SLC25A21: variants seen among roughly 807,000 people sequenced by gnomAD.
SLC25A21 encodes mitochondrial 2-oxodicarboxylate carrier.
SLC25A21 carries 47 observed loss-of-function variants against 43.8 expected under a neutral mutation model. That is an observed-to-expected ratio of 1.07 (90% CI 0.85 to 1.37). SLC25A21 has a LOEUF of 1.37. Among genes scored for constraint, SLC25A21 ranks in the 40% most tolerant of loss-of-function variants. The pLI, the probability that SLC25A21 is intolerant of heterozygous loss-of-function variation, is 0.00. For synonymous variants in SLC25A21, 131 were observed against 121.3 expected, an observed-to-expected ratio of 1.08 and a Z score of -0.52; for missense variants, 352 against 350.2, an observed-to-expected ratio of 1.00 and a Z score of -0.04.
intron 3 of SLC25A21, among the ~76,000 whole-genome samples, chr14:36,758,920 G>A (rs1886037621): frequency 6.6e-6 from 1 of 152,176 alleles, no homozygotes; most frequent in Admixed American, 6.5e-5. Context: ...GGATGATTTA[G>A]CTTTGCTTCT....
intron 1 of SLC25A21, among the ~76,000 whole-genome samples, chr14:36,976,141 G>A (rs914107412): frequency 6.6e-6 from 1 of 152,150 alleles, no homozygotes; most frequent in Non-Finnish European, 1.5e-5. Context: ...AAATAATCAT[G>A]AAATAGCACA....
chr14:36,814,490 C>T (rs749395540), intron 2 of SLC25A21, among the ~76,000 whole-genome samples: 4 of 152,008 alleles, frequency 2.6e-5, no homozygotes, highest in Non-Finnish European at 5.9e-5. Flanking sequence ...ACCAAACAAC[C>T]CCATCAAAAA....
chr14:36,990,539 C>T (rs1566796260), intron 1 of SLC25A21, among the ~76,000 whole-genome samples: 1 of 152,104 alleles, frequency 6.6e-6, no homozygotes, highest in Non-Finnish European at 1.5e-5. Flanking sequence ...ACCTTCACTG[C>T]CATGGCTACT....
chr14:36,708,487 G>C (rs1883673550), intron 7 of SLC25A21, among the ~76,000 whole-genome samples: 1 of 152,166 alleles, frequency 6.6e-6, no homozygotes. Flanking sequence ...ATGCAGGCTG[G>C]AGTGCAGTGC....
intron 1 of SLC25A21, among the ~76,000 whole-genome samples, chr14:37,128,753 A>C (rs888542932): frequency 5.9e-5 from 9 of 151,746 alleles, no homozygotes; most frequent in African/African-American, 2.2e-4. Flanking sequence ...CGCTCAGCTA[A>C]TTTTTTGGTA....
At chr14:36,843,924 C>T (rs578256265) in intron 2 of SLC25A21, among the ~76,000 whole-genome samples, 6 of 152,304 alleles carry the variant, frequency 3.9e-5, no homozygotes, top group African/African-American at 1.4e-4. Context: ...AACCTGTTGT[C>T]TTTCAAGACA....
At chr14:36,683,375 G>A (rs545853790) in intron 9 of SLC25A21, among the ~76,000 whole-genome samples, 1 of 152,356 alleles carries the variant, frequency 6.6e-6, no homozygotes, top group African/African-American at 2.4e-5. Flanking sequence ...GTAAAGATGA[G>A]TGGCTTTGCT....
chr14:36,888,398 C>T (rs1354168810), intron 1 of SLC25A21, among the ~76,000 whole-genome samples: 4 of 151,978 alleles, frequency 2.6e-5, no homozygotes, highest in African/African-American at 7.3e-5. Context: ...ACCGACTTGC[C>T]AACCCACCCA....
At position 37,029,595 on chromosome 14, in the gene SLC25A21, C is replaced by T. The variant is rs147489265; in HGVS notation, c.70+142686G>A. Among the ~76,000 whole-genome samples, 384 of 152,112 alleles carry T rather than the reference C, an allele frequency of 2.5e-3. 2 individuals are homozygous for T. The highest frequency in any genetic ancestry group is 8.6e-3 in the African/African-American group (356 of 41,490). On this transcript the variant is annotated intron_variant, in intron 1 of 9. Coordinates refer to ENST00000331299, the MANE Select transcript of SLC25A21 (RefSeq NM_030631.4). ...TAGCACAGTACTTACAGACAGAATCCCTCTGCTGAAAAGAGGGGATCCCTC... is the reference window on the plus strand; with the variant it reads ...TAGCACAGTACTTACAGACAGAATCTCTCTGCTGAAAAGAGGGGATCCCTC...
chr14:36,968,887 A>G (rs1959682792), intron 1 of SLC25A21, among the ~76,000 whole-genome samples: 1 of 152,190 alleles, frequency 6.6e-6, no homozygotes, highest in African/African-American at 2.4e-5. Flanking sequence ...CTGTACACAT[A>G]TCAAAGAAAA....
intron 3 of SLC25A21, among the ~76,000 whole-genome samples, chr14:36,779,338 C>G (rs1230542290): frequency 7.1e-6 from 1 of 141,342 alleles, no homozygotes; most frequent in South Asian, 2.2e-4. Context: ...ATTATCCAGC[C>G]TTTTAAAAAA....
At chr14:36,980,432 G>A (rs1959992648) in intron 1 of SLC25A21, among the ~76,000 whole-genome samples, 1 of 152,174 alleles carries the variant, frequency 6.6e-6, no homozygotes, top group African/African-American at 2.4e-5. Flanking sequence ...TTTCTTGGAG[G>A]CTTTGTTCAT....
intron 1 of SLC25A21, among the ~76,000 whole-genome samples, chr14:37,024,060 CAGTGA>C (rs1303259634): frequency 1.3e-5 from 2 of 152,040 alleles, no homozygotes; most frequent in African/African-American, 4.8e-5. Flanking sequence ...CAGAGGACAG[CAGTGA>C]AGTGAAGTAA....
intron 1 of SLC25A21, among the ~76,000 whole-genome samples, chr14:37,045,313 G>T (rs79613112): frequency 0.044 from 6,668 of 152,140 alleles, 481 homozygotes; most frequent in African/African-American, 0.15. Flanking sequence ...GAGATTTCTG[G>T]ACACTGTTAT....
At chr14:37,095,391 GC>G (rs1962669060) in intron 1 of SLC25A21, among the ~76,000 whole-genome samples, 1 of 152,152 alleles carries the variant, frequency 6.6e-6, no homozygotes, top group Admixed American at 6.5e-5. Flanking sequence ...GGTGGCACAT[GC>G]CTGTAAGCCC....
At chr14:37,030,633 T>C (rs1195484988) in intron 1 of SLC25A21, among the ~76,000 whole-genome samples, 2 of 152,196 alleles carry the variant, frequency 1.3e-5, no homozygotes, top group Non-Finnish European at 2.9e-5. Context: ...ACGAATCTAG[T>C]AGAATCTAAG....
intron 2 of SLC25A21, among the ~76,000 whole-genome samples, chr14:36,838,418 G>A (rs904330563): frequency 3.3e-5 from 5 of 152,194 alleles, no homozygotes; most frequent in Non-Finnish European, 7.3e-5. Flanking sequence ...CACTGCACCT[G>A]CTTTTCCTGT....
intron 1 of SLC25A21, among the ~76,000 whole-genome samples, chr14:37,113,660 C>A (rs1963058542): frequency 6.6e-6 from 1 of 151,974 alleles, no homozygotes; most frequent in Non-Finnish European, 1.5e-5. Flanking sequence ...TCGAGACCAG[C>A]CTGGCCAAGA....
intron 3 of SLC25A21, among the ~76,000 whole-genome samples, chr14:36,767,176 C>A (rs553705242): frequency 1.3e-4 from 20 of 152,214 alleles, no homozygotes; most frequent in African/African-American, 4.8e-4. Context: ...CCTAGATCAG[C>A]GAAATTTTTA....
Sources: allele counts gnomAD v4.1 joint callset (sites outside exome capture counted in the v4.1 genomes callset), GRCh38; gene constraint gnomAD v4.1.1; transcripts MANE v1.5; gene names NCBI Gene and HGNC (gene_info 2026-07-23, HGNC 2026-07-21).